TAF1B: variants seen among roughly 807,000 people sequenced by gnomAD.
TAF1B encodes the protein TATA box-binding protein-associated factor RNA polymerase I subunit B.
Under a neutral mutation model 83.9 loss-of-function variants are expected in TAF1B, and 61 were observed. The ratio of observed to expected loss-of-function variants is 0.73; its 90% confidence interval spans 0.59 to 0.90. The LOEUF (loss-of-function observed/expected upper bound fraction) is 0.90. Among genes scored for constraint, TAF1B ranks in the 40% least tolerant of loss-of-function variants. The pLI is 0.00. For missense variants in TAF1B, 625 were observed against 677.0 expected (o/e 0.92, Z 0.85); for synonymous variants, 221 against 224.6 (o/e 0.98, Z 0.14).
chr2:9,926,751 A>C (rs557514123), intron 14 of TAF1B, among the ~76,000 whole-genome samples: 1 of 149,436 alleles, frequency 6.7e-6, no homozygotes, highest in Non-Finnish European at 1.5e-5. Context: ...AGGCAGGAGA[A>C]TCACTTGAAC....
intron 2 of TAF1B, among the ~76,000 whole-genome samples, chr2:9,847,591 A>G (rs193146658): frequency 1.1e-3 from 166 of 152,288 alleles, no homozygotes; most frequent in Non-Finnish European, 1.9e-3. Flanking sequence ...AATCTGGGAA[A>G]GGCCTTCCAG....
At chr2:9,851,293 A>T (rs1337241932) in intron 3 of TAF1B, among the ~76,000 whole-genome samples, 1 of 152,148 alleles carries the variant, frequency 6.6e-6, no homozygotes, top group Non-Finnish European at 1.5e-5. Context: ...TGAAATCGGA[A>T]ATTATACAAA....
intron 7 of TAF1B, among the ~76,000 whole-genome samples, chr2:9,879,962 G>A (rs1664446846): frequency 6.6e-6 from 1 of 152,120 alleles, no homozygotes; most frequent in South Asian, 2.1e-4. Context: ...GATTGCAGCA[G>A]GAGAGATACG....
intron 6 of TAF1B, among the ~76,000 whole-genome samples, chr2:9,875,137 A>G (rs927390028): frequency 5.9e-5 from 9 of 151,666 alleles, no homozygotes; most frequent in African/African-American, 1.9e-4. Flanking sequence ...AATTTTTTGT[A>G]TTTTTTAGTA....
intron 8 of TAF1B, among the ~76,000 whole-genome samples, chr2:9,887,647 A>G (rs1664720942): frequency 6.6e-6 from 1 of 152,004 alleles, no homozygotes; most frequent in African/African-American, 2.4e-5. Flanking sequence ...GGTAGTTAGT[A>G]TGTCATTGGG....
chr2:9,893,327 G>A (rs62127145), intron 8 of TAF1B, among the ~76,000 whole-genome samples: 27,334 of 151,900 alleles, frequency 0.18, 3,120 homozygotes, highest in East Asian at 0.31. Flanking sequence ...TTACTCCTGA[G>A]TACTTTAAAA....
chr2:9,890,486 T>A (rs1053254965), intron 8 of TAF1B, among the ~76,000 whole-genome samples: 2 of 152,128 alleles, frequency 1.3e-5, no homozygotes, highest in Non-Finnish European at 2.9e-5. Flanking sequence ...TGGATTTTTT[T>A]AAAAAAAAAT....
intron 6 of TAF1B, among the ~76,000 whole-genome samples, chr2:9,871,515 T>G (rs1288028996): frequency 6.6e-6 from 1 of 152,210 alleles, no homozygotes; most frequent in Non-Finnish European, 1.5e-5. Context: ...TCACAGAGAA[T>G]ATTAACGATA....
chr2:9,868,518 A>G, intron 6 of TAF1B, 89 bp downstream of exon 6: 1 of 1,515,534 alleles, frequency 6.6e-7, no homozygotes, highest in Non-Finnish European at 9.0e-7. Flanking sequence ...ATCCAAGGAA[A>G]GGGAACTTGG....
chr2:9,927,885 A>G (rs916073081), intron 14 of TAF1B, among the ~76,000 whole-genome samples: 4 of 152,026 alleles, frequency 2.6e-5, no homozygotes, highest in South Asian at 2.1e-4. Flanking sequence ...CCATTTGTCT[A>G]TTTTGGCTTT....
In TAF1B at chr2:9,878,373, C is replaced by A. The variant is rs770491771; in HGVS notation, c.707+2355C>A. ...CAAAATGTTGGGATTATGTCATGAG[C>A]CACCATGCCTGGCCCAGAGGATTCT... On this transcript the variant is annotated intron_variant, in intron 7 of 14. Coordinates refer to ENST00000263663, the MANE Select transcript of TAF1B (RefSeq NM_005680.3). Among the ~76,000 whole-genome samples the A allele has an allele frequency of 2.0e-5, 3 of 152,264 alleles. No individual in the cohort carries two copies. In the South Asian group the frequency reaches 6.2e-4, roughly 32 times the overall value.
chr2:9,890,841 G>T (rs1451846713), intron 8 of TAF1B, among the ~76,000 whole-genome samples: 1 of 152,118 alleles, frequency 6.6e-6, no homozygotes, highest in Non-Finnish European at 1.5e-5. Flanking sequence ...CACAATCTAT[G>T]CTCACCACAA....
chr2:9,899,067 T>C (rs1340525102), intron 8 of TAF1B, among the ~76,000 whole-genome samples: 3 of 152,094 alleles, frequency 2.0e-5, no homozygotes, highest in East Asian at 3.8e-4. Context: ...GTATTAAGTG[T>C]ATTTATATTT....
intron 7 of TAF1B, among the ~76,000 whole-genome samples, chr2:9,879,463 A>C (rs925531667): frequency 6.6e-6 from 1 of 152,224 alleles, no homozygotes. Flanking sequence ...TTAGAATGGC[A>C]TACAATTTAA....
At chr2:9,896,723 C>T (rs1558255658) in intron 8 of TAF1B, among the ~76,000 whole-genome samples, 1 of 151,896 alleles carries the variant, frequency 6.6e-6, no homozygotes, top group South Asian at 2.1e-4. Context: ...TCAGTGGCCC[C>T]TCTGTCTTAA....
chr2:9,890,537 TACTTA>T (rs1157128405), intron 8 of TAF1B, among the ~76,000 whole-genome samples: 1 of 152,208 alleles, frequency 6.6e-6, no homozygotes, highest in Non-Finnish European at 1.5e-5. Flanking sequence ...ATCTGATCTT[TACTTA>T]AATCTTTTCC....
intron 6 of TAF1B, 42 bp downstream of exon 6, chr2:9,868,471 A>G (rs748479473): frequency 2.6e-5 from 41 of 1,584,326 alleles, no homozygotes; most frequent in Non-Finnish European, 3.4e-5. Flanking sequence ...TAAAGCTGTT[A>G]TGCCCCTTAA....
intron 6 of TAF1B, chr2:9,868,792 C>A: frequency 2.2e-6 from 1 of 444,644 alleles, no homozygotes; most frequent in Middle Eastern, 3.4e-4. Context: ...GTAAAATAGA[C>A]AAAGATGGTA....
At chr2:9,855,326 G>A (rs1002111509) in intron 5 of TAF1B, among the ~76,000 whole-genome samples, 5 of 152,152 alleles carry the variant, frequency 3.3e-5, no homozygotes, top group Non-Finnish European at 7.4e-5. Context: ...TGGTACAGAT[G>A]CCCCTTGCCA....
Sources: gnomAD v4.1 joint callset for allele counts (sites outside exome capture counted in the v4.1 genomes callset) on GRCh38, gnomAD v4.1.1 for gene constraint, MANE v1.5 for transcripts, NCBI Gene and HGNC (gene_info 2026-07-23, HGNC 2026-07-21) for gene names.